Variants in TMEM209 observed in about 807,000 individuals in gnomAD.
The protein encoded by TMEM209 is transmembrane protein 209.
In TMEM209, 65 loss-of-function variants were observed where a neutral mutation model predicts 76.2. That is an observed-to-expected ratio of 0.85 (90% CI 0.70 to 1.05). The LOEUF (loss-of-function observed/expected upper bound fraction) is 1.05. Among genes scored for constraint, TMEM209 ranks in the 50% least tolerant of loss-of-function variants. The probability of loss-of-function intolerance (pLI) is 0.00; values close to 1 mark genes in which losing one functional copy is unlikely to be tolerated. For missense variants in TMEM209, 623 were observed against 685.5 expected, an observed-to-expected ratio of 0.91 and a Z score of 1.02; for synonymous variants, 239 against 237.6, an observed-to-expected ratio of 1.01 and a Z score of -0.06.
chr7:130,185,385 A>AAC lies in TMEM209; in HGVS notation c.776-20_776-19dup. The stretch of plus-strand genomic sequence containing the variant: ...TGGGCTCCCTACAATTGTTAAGATA[A>AAC]ACAGTATCAGTGTGTTGTAGCAATT... On this transcript the variant is annotated intron_variant, in intron 6 of 14. Transcript: ENST00000397622. 1.2e-6 allele frequency: 2 copies of AAC among 1,610,822 alleles called. No homozygotes were observed. Among genetic ancestry groups the AAC allele is most frequent in the Middle Eastern group, 3.3e-4 (2 of 6,048 alleles).
intron 14 of TMEM209, among the ~76,000 whole-genome samples, chr7:130,168,899 TA>T (rs1796961153): frequency 6.6e-6 from 1 of 152,216 alleles, no homozygotes. Context: ...GATGCCTCAA[TA>T]AAGTTAGTTT....
chr7:130,195,016 T>C (rs1346538677), intron 5 of TMEM209, among the ~76,000 whole-genome samples: 1 of 152,154 alleles, frequency 6.6e-6, no homozygotes, highest in East Asian at 1.9e-4. Context: ...TATTATTGCA[T>C]TAATTGGCCT....
At chr7:130,170,918 T>C (rs898789025) in intron 13 of TMEM209, among the ~76,000 whole-genome samples, 3 of 151,714 alleles carry the variant, frequency 2.0e-5, no homozygotes, top group African/African-American at 4.8e-5. Context: ...AACCTCCATC[T>C]CCTGGGTTCA....
intron 9 of TMEM209, among the ~76,000 whole-genome samples, chr7:130,179,742 A>C (rs1359916642): frequency 2.0e-5 from 3 of 152,158 alleles, no homozygotes; most frequent in Non-Finnish European, 1.5e-5. Context: ...TTGGGAGGCC[A>C]AAGTGGAGGG....
At chr7:130,200,232 G>A (rs191685805) in intron 5 of TMEM209, among the ~76,000 whole-genome samples, 18 of 152,052 alleles carry the variant, frequency 1.2e-4, no homozygotes, top group Middle Eastern at 3.4e-3. Flanking sequence ...AAAGACAAGC[G>A]AGTAAAGCAC....
rs900590514 is a variant in TMEM209 at position 130,175,662 on chromosome 7, G to T, written c.1247-53C>A. On this transcript the variant is annotated intron_variant, in intron 10 of 14. Transcript: ENST00000397622. ...AGCTAAGAGTATGCAAAAAAGAAAAGAAAAAAAAAGCTAAGGGAATATAAT... is the reference window on the plus strand; with the variant it reads ...AGCTAAGAGTATGCAAAAAAGAAAATAAAAAAAAAGCTAAGGGAATATAAT... 5 of 1,333,310 alleles carry T rather than the reference G, an allele frequency of 3.8e-6. No homozygotes were observed. The Admixed American group carries it at 1.3e-4, about 35-fold the overall frequency. The allele number at this position is 1,333,310 out of a possible 1,614,324, so 82.6% of individuals were successfully genotyped here.
At chr7:130,171,451 G>A (rs1346541485) in intron 13 of TMEM209, among the ~76,000 whole-genome samples, 1 of 149,962 alleles carries the variant, frequency 6.7e-6, no homozygotes, top group Non-Finnish European at 1.5e-5. Flanking sequence ...CTGAGAGAAT[G>A]TATGATTTTT....
At chr7:130,168,386 C>T (rs529762451) in intron 14 of TMEM209, among the ~76,000 whole-genome samples, 1 of 152,192 alleles carries the variant, frequency 6.6e-6, no homozygotes, top group South Asian at 2.1e-4. Context: ...GTAATTATTG[C>T]AAATATTCCA....
At chr7:130,198,274 C>G (rs1390993565) in intron 5 of TMEM209, among the ~76,000 whole-genome samples, 1 of 152,138 alleles carries the variant, frequency 6.6e-6, no homozygotes, top group Non-Finnish European at 1.5e-5. Flanking sequence ...TTGTACTCTC[C>G]TAACTTTGAC....
chr7:130,184,146 G>A, intron 8 of TMEM209, 38 bp downstream of exon 8: 2 of 1,351,734 alleles, frequency 1.5e-6, no homozygotes, highest in South Asian at 1.3e-5. Context: ...CATATTAAGA[G>A]GCACTAATAT....
Position 130,202,047 on chromosome 7 carries a change from G to A in TMEM209, c.376C>T (p.Pro126Ser). The change falls in exon 5 of 15, where the codon CCT becomes TCT. Residue 126 changes from proline (P) to serine (S), a missense_variant. Pro to Ser is a moderately conservative substitution (Grantham distance 74). Coordinates refer to ENST00000397622, the MANE Select transcript of TMEM209 (RefSeq NM_032842.4). ...ATTGAAGGGGAAGGTGGAGCGGGAG[G>A]GATTTGGGTTGCTGCCAGATCATGT... ...PPHDLAATQI[P>S]PAPPSPSIQG... 1 of 1,613,828 alleles carries A rather than the reference G, an allele frequency of 6.2e-7. No homozygotes were observed.
At chr7:130,173,431 A>G (rs1797136867) in intron 13 of TMEM209, among the ~76,000 whole-genome samples, 1 of 152,214 alleles carries the variant, frequency 6.6e-6, no homozygotes, top group Non-Finnish European at 1.5e-5. Flanking sequence ...TAATGGAATG[A>G]GTGATTTTCC....
At chr7:130,184,012 GAAAAT>G (rs1478551069) in intron 8 of TMEM209, among the ~76,000 whole-genome samples, 167 bp downstream of exon 8, 2 of 152,044 alleles carry the variant, frequency 1.3e-5, no homozygotes, top group East Asian at 1.9e-4. Context: ...AAAATCTCAT[GAAAAT>G]AAATACCATA....
chr7:130,184,920 T>C (rs769314227), intron 7 of TMEM209, among the ~76,000 whole-genome samples: 43 of 152,254 alleles, frequency 2.8e-4, no homozygotes, highest in Non-Finnish European at 6.0e-4. Context: ...TACAATTATA[T>C]ACCTGAGAGC....
At chr7:130,190,456 T>C (rs1365905590) in intron 6 of TMEM209, among the ~76,000 whole-genome samples, 1 of 150,648 alleles carries the variant, frequency 6.6e-6, no homozygotes, top group African/African-American at 2.4e-5. Context: ...AGGCAGAAGT[T>C]GCAGTAAGCC....
At chr7:130,177,718 T>G (rs530155648) in intron 10 of TMEM209, among the ~76,000 whole-genome samples, 1 of 151,774 alleles carries the variant, frequency 6.6e-6, no homozygotes, top group Admixed American at 6.6e-5. Flanking sequence ...ACAAGAGGAG[T>G]GTGTATACTA....
intron 8 of TMEM209, 143 bp from the exon 9 acceptor site, chr7:130,181,862 G>T (rs1797431715): frequency 1.6e-6 from 1 of 610,204 alleles, no homozygotes; most frequent in Non-Finnish European, 2.8e-6. Context: ...TATAGTGAAA[G>T]AGAATGAAAG....
At position 130,201,932 on chromosome 7, in the gene TMEM209, G is replaced by A. The variant is rs765938765; in HGVS notation, c.491C>T (p.Pro164Leu). Residue 164 changes from proline to leucine, a missense_variant, in exon 5 of 15, where the codon CCT (proline) becomes CTT (leucine). Transcript: ENST00000397622. ...ACCTGAGGACAGACCTTGCAGCTGAGGGCTGTAACCAGTCATACAGCTGGT... is the reference window on the plus strand; with the variant it reads ...ACCTGAGGACAGACCTTGCAGCTGAAGGCTGTAACCAGTCATACAGCTGGT... Reference protein sequence around the residue: ...FTTSCMTGYSPQLQGLSSGGS... With the variant: ...FTTSCMTGYSLQLQGLSSGGS... The A allele has an allele frequency of 3.0e-5, 49 of 1,613,770 alleles. 1 individual carries two copies. Among genetic ancestry groups the A allele is most frequent in the Non-Finnish European group, 4.1e-5 (48 of 1,179,878 alleles).
intron 6 of TMEM209, among the ~76,000 whole-genome samples, chr7:130,188,677 C>T (rs1288612619): frequency 6.6e-6 from 1 of 150,606 alleles, no homozygotes; most frequent in Non-Finnish European, 1.5e-5. Flanking sequence ...TCAACAGATG[C>T]TAAAATCACT....
Sources: allele counts gnomAD v4.1 joint callset (sites outside exome capture counted in the v4.1 genomes callset), GRCh38; gene constraint gnomAD v4.1.1; transcripts MANE v1.5; gene names NCBI Gene and HGNC (gene_info 2026-07-23, HGNC 2026-07-21).